Variants in ZNF74 observed in about 807,000 individuals in gnomAD.
The protein encoded by ZNF74 is zinc finger protein 520.
A neutral mutation model predicts 17.7 loss-of-function variants in ZNF74; 12 were observed. That is an observed-to-expected ratio of 0.68 (90% confidence interval 0.43 to 1.10). The LOEUF is 1.10. Ranked by LOEUF, ZNF74 falls within the 50% of genes least tolerant of loss-of-function variation. The pLI is 0.00. For missense variants in ZNF74, 811 were observed against 881.0 expected (o/e 0.92, Z 1.01); for synonymous variants, 358 against 362.1 (o/e 0.99, Z 0.13).
At position 20,394,261 on chromosome 22, in the gene ZNF74, T is replaced by G. The variant is rs1372126614; in HGVS notation, c.-368T>G. 5.7e-6 allele frequency: 4 copies of G among 706,232 alleles called. No homozygotes were observed. The highest frequency in any genetic ancestry group is 1.0e-5 in the Non-Finnish European group (4 of 381,806). The allele number at this position is 706,232 out of a possible 1,614,324, so 43.7% of individuals were successfully genotyped here. Reference sequence around the variant, plus strand: ...GGCGGTCTCTGTCCGCTTCGGGACCTGTCCGCTGGTCGCTCCGCGTCCGAT... The same window carrying G: ...GGCGGTCTCTGTCCGCTTCGGGACCGGTCCGCTGGTCGCTCCGCGTCCGAT... On this transcript the variant is annotated 5_prime_UTR_variant, in exon 1 of 5. Transcript: ENST00000400451.
chr22:20,399,537 A>G (rs2052333541), intron 2 of ZNF74: 2 of 381,604 alleles, frequency 5.2e-6, no homozygotes, highest in Non-Finnish European at 1.0e-5. Flanking sequence ...ATTCGCATTT[A>G]GTGTAATTAT....
rs115040501 is a variant in ZNF74 at position 20,401,617 on chromosome 22, G to A, written c.343+245G>A. 7.1e-3 allele frequency among the ~76,000 whole-genome samples: 1,077 copies of A among 152,284 alleles called. 11 individuals are homozygous for A. The highest frequency in any genetic ancestry group is 0.024 in the African/African-American group (1,013 of 41,540). On this transcript the variant is annotated intron_variant, in intron 4 of 4. Coordinates refer to ENST00000400451, the MANE Select transcript of ZNF74 (RefSeq NM_003426.4). The surrounding 1 kb of genome is among the most constrained non-coding windows in gnomAD (Gnocchi z 4.2). ...GACCAAATGGTCACCTGCTGATGGGGATGGGGAGGCAGGAATAGAAATATT... is the reference window on the plus strand; with the variant it reads ...GACCAAATGGTCACCTGCTGATGGGAATGGGGAGGCAGGAATAGAAATATT...
chr22:20,404,409 C>T (rs915535516), intron 4 of ZNF74, among the ~76,000 whole-genome samples: 1 of 152,054 alleles, frequency 6.6e-6, no homozygotes, highest in Admixed American at 6.6e-5. Flanking sequence ...AGCTCGAAGC[C>T]TCAACCTCCC....
In ZNF74 at chr22:20,395,428, T is replaced by A. The variant is rs1162118859; in HGVS notation, c.120+10T>A. ...CGAAGCCAGGTCCAAGGTGAGTGGC[T>A]GTGTGTTCTTCCTTCTTTATGAAGA... On this transcript the variant is annotated intron_variant, in intron 2 of 4. Transcript: ENST00000400451. The A allele has an allele frequency of 1.3e-6, 2 of 1,591,232 alleles. No individual in the cohort carries two copies. The highest frequency in any genetic ancestry group is 8.6e-7 in the Non-Finnish European group (1 of 1,162,182).
chr22:20,406,042 T>TA lies in ZNF74; in HGVS notation c.1009_1010insA (p.Cys337Ter). ...CGAGCGGCCCTACAAGTGCAGCGCCTGCGAGAAGGCCTTCAGCTGCAGCTC... is the reference window on the plus strand; with the variant it reads ...CGAGCGGCCCTACAAGTGCAGCGCCTAGCGAGAAGGCCTTCAGCTGCAGCTC... ...TGERPYKCSA[C>*]EKAFSCSSLL... Residue 337 changes from cysteine to a stop codon, truncating the protein, a stop_gained and frameshift_variant, in exon 5 of 5, where the codon TGC becomes TAGC. Coordinates refer to ENST00000400451, the MANE Select transcript of ZNF74 (RefSeq NM_003426.4). LOFTEE classifies it low-confidence loss of function (END_TRUNC). 6.2e-7 allele frequency: 1 copy of TA among 1,613,350 alleles called. No individual in the cohort carries two copies. The highest frequency in any genetic ancestry group is 8.5e-7 in the Non-Finnish European group (1 of 1,179,772).
At chr22:20,404,445 A>G (rs1171099208) in intron 4 of ZNF74, among the ~76,000 whole-genome samples, 1 of 152,026 alleles carries the variant, frequency 6.6e-6, no homozygotes, top group Non-Finnish European at 1.5e-5. Context: ...CTCCCACCTC[A>G]GCCTCCTGAG....
intron 3 of ZNF74, 29 bp downstream of exon 3, chr22:20,400,787 G>T: frequency 6.2e-7 from 1 of 1,611,374 alleles, no homozygotes; most frequent in Non-Finnish European, 8.5e-7. Flanking sequence ...CAGGCTGGGC[G>T]TCGGCTGTCA....
In ZNF74 at chr22:20,405,457, C is replaced by T. The variant is rs1461603135; in HGVS notation, c.424C>T (p.Pro142Ser). 29 of 1,612,496 alleles carry T rather than the reference C, an allele frequency of 1.8e-5. No individual in the cohort carries two copies. The highest frequency in any genetic ancestry group is 3.4e-5 in the Admixed American group (2 of 59,690). The change falls in exon 5 of 5, where the codon CCC (proline) becomes TCC (serine). Residue 142 changes from proline to serine, a missense_variant. By Grantham distance (74) the Pro-to-Ser change is moderately conservative. This residue lies in a region of ZNF74 where 666 missense variants were observed against 702.3 expected (regional missense o/e 0.95). Transcript: ENST00000400451. Reference protein sequence around the residue: ...EPAQEPIMERPLGGAQAWGRQ... With the variant: ...EPAQEPIMERSLGGAQAWGRQ... ...GGCCCAGGAGCCCATCATGGAGCGGCCCCTCGGCGGGGCGCAGGCGTGGGG... is the reference window on the plus strand; with the variant it reads ...GGCCCAGGAGCCCATCATGGAGCGGTCCCTCGGCGGGGCGCAGGCGTGGGG...
At position 20,394,599 on chromosome 22, in the gene ZNF74, A is replaced by G; in HGVS notation, c.-30A>G. ...GATCCTGGAGGCTACACAGCTGCCC[A>G]CTCCTCCTGGGGAGGCTGCCGTGGA... On this transcript the variant is annotated 5_prime_UTR_variant, in exon 1 of 5. Coordinates refer to ENST00000400451, the MANE Select transcript of ZNF74 (RefSeq NM_003426.4). 1 of 1,613,376 alleles carries G rather than the reference A, an allele frequency of 6.2e-7. No homozygotes were observed. Among genetic ancestry groups the G allele is most frequent in the Non-Finnish European group, 8.5e-7 (1 of 1,179,642 alleles).
intron 2 of ZNF74, among the ~76,000 whole-genome samples, chr22:20,398,330 A>G (rs1206663372): frequency 2.3e-5 from 1 of 42,632 alleles, no homozygotes. Context: ...AAAAAAAAAA[A>G]AAAAAAAAAA....
chr22:20,395,914 G>A (rs1399346526), intron 2 of ZNF74, among the ~76,000 whole-genome samples: 2 of 152,104 alleles, frequency 1.3e-5, no homozygotes, highest in Non-Finnish European at 2.9e-5. Context: ...TCTGTACCCA[G>A]CCCCTGGCAT....
intron 2 of ZNF74, among the ~76,000 whole-genome samples, chr22:20,398,316 CAAAAAA>C (rs362022): frequency 3.1e-5 from 4 of 128,150 alleles, no homozygotes; most frequent in Admixed American, 7.5e-5. Context: ...GACCATGTCT[CAAAAAA>C]AAAAAAAAAA....
intron 4 of ZNF74, 76 bp from the exon 5 acceptor site, chr22:20,405,301 C>A: frequency 6.8e-7 from 1 of 1,474,240 alleles, no homozygotes; most frequent in East Asian, 2.3e-5. Flanking sequence ...ATCTGCATCT[C>A]CAGGCCAATT....
rs764036679 is a variant in ZNF74, at chr22:20,406,941, C to T, written c.1908C>T (p.Phe636=). 18 of 1,613,374 alleles carry T rather than the reference C, an allele frequency of 1.1e-5. No homozygotes were observed. Among genetic ancestry groups the T allele is most frequent in the Non-Finnish European group, 1.5e-5 (18 of 1,179,736 alleles). ...CVVPPRAGRN[F]SLGSKPRN ...TTCCCCCCAGAGCTGGCAGGAATTT[C>T]TCCCTGGGGAGCAAACCTCGAAACT... is the stretch of plus-strand genomic sequence containing the variant. The change falls in exon 5 of 5, where the codon TTC becomes TTT. Residue 636 remains phenylalanine (F), a synonymous_variant. Coordinates refer to ENST00000400451, the MANE Select transcript of ZNF74 (RefSeq NM_003426.4).
At chr22:20,394,703 C>T (rs376362866) in intron 1 of ZNF74, 41 bp downstream of exon 1, 1 of 1,604,700 alleles carries the variant, frequency 6.2e-7, no homozygotes, top group African/African-American at 1.3e-5. Context: ...TGTGGATTTG[C>T]ACTTGAGGAT....
At position 20,401,839 on chromosome 22, in the gene ZNF74, A is replaced by C. The variant is rs904727005; in HGVS notation, c.343+467A>C. ...CAGCATCAGGGCCAGTGTGAGCATC[A>C]GTGTCAGGGCCATCATCAGCGTCAG... On this transcript the variant is annotated intron_variant, in intron 4 of 4. Transcript: ENST00000400451. The surrounding 1 kb of genome is among the most constrained non-coding windows in gnomAD (Gnocchi z 4.2). Among the ~76,000 whole-genome samples, 4 of 152,108 alleles carry C rather than the reference A, an allele frequency of 2.6e-5. No homozygotes were observed. The highest frequency in any genetic ancestry group is 4.4e-5 in the Non-Finnish European group (3 of 68,016).
chr22:20,394,908 G>A, intron 1 of ZNF74: 1 of 536,526 alleles, frequency 1.9e-6, no homozygotes, highest in Non-Finnish European at 3.3e-6. Flanking sequence ...TTGCAGGCGC[G>A]CGCCACCACG....
rs1202919532 is a variant in ZNF74, at chr22:20,406,629, G to C, written c.1596G>C (p.Glu532Asp). 6.2e-7 allele frequency: 1 copy of C among 1,614,266 alleles called. No homozygotes were observed. The highest frequency in any genetic ancestry group is 1.6e-4 in the Middle Eastern group (1 of 6,062). The change falls in exon 5 of 5, where the codon GAG becomes GAC. Residue 532 changes from glutamate (E) to aspartate (D), a missense_variant. This residue lies in a region of ZNF74 where 30 missense variants were observed against 59.2 expected (regional missense o/e 0.51). Coordinates refer to ENST00000400451, the MANE Select transcript of ZNF74 (RefSeq NM_003426.4). ...GTGAGAAGCCCTACAAGTGCAGCGA[G>C]TGCGGCAGAGCCTTCAGCCAGAACC... The part of the protein sequence containing the change: ...HTGEKPYKCS[E>D]CGRAFSQNHC...
At chr22:20,400,321 T>C in intron 2 of ZNF74, 1 of 320,140 alleles carries the variant, frequency 3.1e-6, no homozygotes, top group Non-Finnish European at 5.9e-6. Context: ...CACCCAGGAC[T>C]TAGAGCCTGA....
Sources: gnomAD v4.1 joint callset for allele counts (sites outside exome capture counted in the v4.1 genomes callset) on GRCh38, gnomAD v4.1.1 for gene constraint, gnomAD v4.1.1 regional missense constraint, Gnocchi (gnomAD v3.1) non-coding constraint, MANE v1.5 for transcripts, NCBI Gene and HGNC (gene_info 2026-07-23, HGNC 2026-07-21) for gene names.